Variants in BNC1 observed in about 807,000 individuals in gnomAD.
BNC1 encodes the protein zinc finger protein basonuclin-1.
In BNC1, 8 loss-of-function variants were observed where a neutral mutation model predicts 66.5. The observed-to-expected ratio is 0.12, with a 90% CI of 0.07 to 0.22. The LOEUF is 0.22. Among genes scored for constraint, BNC1 ranks in the 10% least tolerant of loss-of-function variants. The pLI is 1.00. For synonymous variants in BNC1, 454 were observed against 452.6 expected (o/e 1.00, Z -0.04); for missense variants, 1,069 against 1,241.3 (o/e 0.86, Z 2.09).
At chr15:83,284,095 G>A (rs1387819869) in intron 1 of BNC1, among the ~76,000 whole-genome samples, 1 of 150,886 alleles carries the variant, frequency 6.6e-6, no homozygotes, top group Non-Finnish European at 1.5e-5. Flanking sequence ...AAATTCTGAG[G>A]TAAAAGAAAA....
intron 2 of BNC1, among the ~76,000 whole-genome samples, chr15:83,267,833 T>C (rs2038232930): frequency 6.6e-6 from 1 of 152,222 alleles, no homozygotes. Flanking sequence ...TTCTGTATTT[T>C]ATCTGGCAAT....
Position 83,264,036 on chromosome 15 carries a change from A to G in BNC1, c.1215T>C (p.His405=), listed in dbSNP as rs747339395. 3.7e-6 allele frequency: 6 copies of G among 1,614,208 alleles called. No homozygotes were observed. The South Asian group carries it at 6.6e-5, about 18-fold the overall frequency. Reference sequence around the variant, plus strand: ...GCAGCCGAGGGTTGGGGTTGGCGCTATGGCGATTCCGGCTCCTTAGGGAGC... The same window carrying G: ...GCAGCCGAGGGTTGGGGTTGGCGCTGTGGCGATTCCGGCTCCTTAGGGAGC... ...VFSSLRSRNR[H]SANPNPRLHM... The change falls in exon 4 of 5, where the codon CAT becomes CAC. Residue 405 remains histidine (H), a synonymous_variant. Coordinates refer to ENST00000345382, the MANE Select transcript of BNC1 (RefSeq NM_001717.4).
At position 83,284,525 on chromosome 15, in the gene BNC1, CT is replaced by C; in HGVS notation, c.99+4del. ...CCCCGCGCCCGCGGAGGGCGCCGCG[CT>C]TACCTCGGCCATCCTGCGACCGCTG... On this transcript the variant is annotated splice_donor_region_variant and intron_variant, in intron 1 of 4. Transcript: ENST00000345382. 2 of 1,195,430 alleles carry C rather than the reference CT, an allele frequency of 1.7e-6. No homozygotes were observed. Among genetic ancestry groups the C allele is most frequent in the Non-Finnish European group, 2.1e-6 (2 of 953,034 alleles). 74.1% of individuals were successfully genotyped at this position (1,195,430 alleles called of 1,614,324 possible).
intron 1 of BNC1, among the ~76,000 whole-genome samples, chr15:83,277,751 T>C (rs2062986845): frequency 6.6e-6 from 1 of 152,210 alleles, no homozygotes; most frequent in Non-Finnish European, 1.5e-5. Flanking sequence ...GTGGAGAGCC[T>C]GGCTTCACTT....
chr15:83,264,650 T>C lies in BNC1; in HGVS notation c.601A>G (p.Asn201Asp). The C allele has an allele frequency of 6.2e-7, 1 of 1,614,138 alleles. No homozygotes were observed. Among genetic ancestry groups the C allele is most frequent in the South Asian group, 1.1e-5 (1 of 91,070 alleles). The change falls in exon 4 of 5, where the codon AAT becomes GAT. Residue 201 changes from asparagine to aspartate, a missense_variant. Transcript: ENST00000345382. The part of the protein sequence containing the change: ...QSIIIPPSTA[N>D]VDIRAFIESC... ...TCGATGAAAGCCCTGATATCTACATTTGCTGTGGAAGGTGGTATGATGATG... is the reference window on the plus strand; with the variant it reads ...TCGATGAAAGCCCTGATATCTACATCTGCTGTGGAAGGTGGTATGATGATG...
At chr15:83,276,550 T>C (rs1490785559) in intron 1 of BNC1, among the ~76,000 whole-genome samples, 1 of 152,196 alleles carries the variant, frequency 6.6e-6, no homozygotes, top group Non-Finnish European at 1.5e-5. Context: ...CAAGTCTCAG[T>C]TGGTGGTCAG....
At chr15:83,283,365 A>G (rs2038403545) in intron 1 of BNC1, 1 of 1,350,436 alleles carries the variant, frequency 7.4e-7, no homozygotes, top group Non-Finnish European at 9.6e-7. Flanking sequence ...GCGGCTCCGG[A>G]GGAGCAGCGG....
chr15:83,258,897 T>C (rs2038113268), intron 4 of BNC1, among the ~76,000 whole-genome samples: 1 of 152,232 alleles, frequency 6.6e-6, no homozygotes, highest in East Asian at 1.9e-4. Flanking sequence ...TAAAATTTCA[T>C]ATGAAGCTTG....
chr15:83,257,995 G>T lies in BNC1; in HGVS notation c.2432C>A (p.Thr811Lys). The T allele has an allele frequency of 6.2e-7, 1 of 1,614,186 alleles. No homozygotes were observed. The highest frequency in any genetic ancestry group is 8.5e-7 in the Non-Finnish European group (1 of 1,180,012). Residue 811 changes from threonine to lysine, a missense_variant, in exon 5 of 5, where the codon ACA becomes AAA. Thr to Lys is a moderately conservative substitution (Grantham distance 78). This residue lies in a region of BNC1 where 657 missense variants were observed against 715.8 expected (regional missense o/e 0.92). Coordinates refer to ENST00000345382, the MANE Select transcript of BNC1 (RefSeq NM_001717.4). ...GACAGATGTCTGGGAGGCTTGCTGTGTAAAAGCCACATCCTGATAGGCTTC... is the reference window on the plus strand; with the variant it reads ...GACAGATGTCTGGGAGGCTTGCTGTTTAAAAGCCACATCCTGATAGGCTTC... ...AKEAYQDVAFTQQASQTSVIF... is the reference protein window; with the variant it reads ...AKEAYQDVAFKQQASQTSVIF...
At chr15:83,281,794 C>T (rs1057400897) in intron 1 of BNC1, among the ~76,000 whole-genome samples, 1 of 152,258 alleles carries the variant, frequency 6.6e-6, no homozygotes, top group Non-Finnish European at 1.5e-5. Context: ...TTAGGGACAA[C>T]TACTTTGTTC....
In BNC1 at chr15:83,264,847, C is replaced by G. The variant is rs745586139; in HGVS notation, c.436-32G>C. On this transcript the variant is annotated intron_variant, in intron 3 of 4. Transcript: ENST00000345382. Reference sequence around the variant, plus strand: ...CCAAACCAGATGTTAGAAGTGTGATCAATTTACAACTCCTTACCCTTTCCT... The same window carrying G: ...CCAAACCAGATGTTAGAAGTGTGATGAATTTACAACTCCTTACCCTTTCCT... The G allele has an allele frequency of 8.2e-6, 13 of 1,588,648 alleles. No homozygotes were observed. In the East Asian group the frequency reaches 2.5e-4, roughly 30 times the overall value.
At chr15:83,283,319 CAA>C in intron 1 of BNC1, 1 of 1,482,252 alleles carries the variant, frequency 6.7e-7, no homozygotes, top group Non-Finnish European at 9.0e-7. Context: ...GGAACTCCGG[CAA>C]AGCCAGGCGG....
At position 83,263,764 on chromosome 15, in the gene BNC1, G is replaced by A. The variant is rs745385289; in HGVS notation, c.1487C>T (p.Ala496Val). Residue 496 changes from alanine to valine, a missense_variant, in exon 4 of 5, where the codon GCC (alanine) becomes GTC (valine). Ala to Val is a moderately conservative substitution (Grantham distance 64, BLOSUM62 0). Coordinates refer to ENST00000345382, the MANE Select transcript of BNC1 (RefSeq NM_001717.4). ...CGTGTTTGCTACCTCGGCAGGCGTG[G>A]CTGGACTGCGGTAGAAAGGAAGGAC... ...QPVLPFYRSPATPAEVANTPG... is the reference protein window; with the variant it reads ...QPVLPFYRSPVTPAEVANTPG... The A allele has an allele frequency of 1.2e-6, 2 of 1,614,090 alleles. No individual in the cohort carries two copies. The highest frequency in any genetic ancestry group is 3.3e-5 in the Admixed American group (2 of 60,002).
intron 3 of BNC1, among the ~76,000 whole-genome samples, chr15:83,265,782 T>C (rs2038211670): frequency 6.6e-6 from 1 of 152,190 alleles, no homozygotes; most frequent in South Asian, 2.1e-4. Context: ...AGCATGATTT[T>C]GAGGCACTCT....
chr15:83,264,955 C>T (rs1596591694), intron 3 of BNC1, 140 bp from the exon 4 acceptor site: 1 of 795,308 alleles, frequency 1.3e-6, no homozygotes, highest in Non-Finnish European at 2.0e-6. Context: ...GAATTTAGTC[C>T]CTGCTCACCC....
rs192444310 is a variant in BNC1 at position 83,278,846 on chromosome 15, G to A, written c.99+5684C>T. Among the ~76,000 whole-genome samples, 153 of 152,284 alleles carry A rather than the reference G, an allele frequency of 1.0e-3. 2 individuals carry two copies. The East Asian group carries it at 0.024, about 24-fold the overall frequency. On this transcript the variant is annotated intron_variant, in intron 1 of 4. Transcript: ENST00000345382. The stretch of plus-strand genomic sequence containing the variant: ...ATTTAAGAATATACAGGAGATACAG[G>A]AATGTTTAAATGATACTACAAGGAA...
intron 3 of BNC1, 55 bp downstream of exon 3, chr15:83,266,781 A>G (rs2038222225): frequency 2.0e-6 from 3 of 1,518,384 alleles, no homozygotes; most frequent in East Asian, 2.3e-5. Context: ...CGTCAGTTAT[A>G]TGGGCACAAA....
At position 83,263,630 on chromosome 15, in the gene BNC1, T is replaced by C. The variant is rs1290048048; in HGVS notation, c.1621A>G (p.Ser541Gly). 6.2e-7 allele frequency: 1 copy of C among 1,614,116 alleles called. No homozygotes were observed. Among genetic ancestry groups the C allele is most frequent in the Non-Finnish European group, 8.5e-7 (1 of 1,180,042 alleles). The change falls in exon 4 of 5, where the codon AGT becomes GGT. Residue 541 changes from serine to glycine, a missense_variant. Ser to Gly is a moderately conservative substitution (Grantham distance 56, BLOSUM62 0). This residue lies in a region of BNC1 where 657 missense variants were observed against 715.8 expected (regional missense o/e 0.92). Coordinates refer to ENST00000345382, the MANE Select transcript of BNC1 (RefSeq NM_001717.4). ...ALPKKKSRKS[S>G]MPIKIEKEAV... is the part of the protein sequence containing the mutation. ...TCTTTCTCTATTTTGATAGGCATACTGGACTTCCTGGATTTCTTCTTGGGA... is the reference window on the plus strand; with the variant it reads ...TCTTTCTCTATTTTGATAGGCATACCGGACTTCCTGGATTTCTTCTTGGGA...
intron 1 of BNC1, among the ~76,000 whole-genome samples, chr15:83,270,957 G>A (rs1339993698): frequency 6.6e-6 from 1 of 152,142 alleles, no homozygotes; most frequent in Admixed American, 6.5e-5. Flanking sequence ...TTCATGGTAT[G>A]TCAATTACAT....
Sources: allele counts gnomAD v4.1 joint callset (sites outside exome capture counted in the v4.1 genomes callset), GRCh38; gene constraint gnomAD v4.1.1; regional missense constraint gnomAD v4.1.1; transcripts MANE v1.5; gene names NCBI Gene and HGNC (gene_info 2026-07-23, HGNC 2026-07-21).